The following PRIM2 variants were observed in gnomAD, a reference collection of about 807,000 sequenced individuals.
PRIM2 encodes the protein DNA primase subunit 2.
PRIM2 carries 39 observed loss-of-function variants against 67.3 expected under a neutral mutation model. That is an observed-to-expected ratio of 0.58 (90% CI 0.45 to 0.76). PRIM2 has a LOEUF of 0.76. Among genes scored for constraint, PRIM2 ranks in the 30% least tolerant of loss-of-function variants. The pLI is 0.00. For synonymous variants in PRIM2, 143 were observed against 198.7 expected, an observed-to-expected ratio of 0.72 and a Z score of 2.36; for missense variants, 398 against 598.7, an observed-to-expected ratio of 0.66 and a Z score of 3.50.
At chr6:57,449,869 G>A (rs1413395336) in intron 7 of PRIM2, among the ~76,000 whole-genome samples, 18 of 152,242 alleles carry the variant, frequency 1.2e-4, no homozygotes, top group African/African-American at 4.3e-4. Flanking sequence ...CTGTTGTGGT[G>A]GAACTACCAT....
intron 5 of PRIM2, among the ~76,000 whole-genome samples, chr6:57,339,956 A>G (rs1429118061): frequency 6.6e-6 from 1 of 151,898 alleles, no homozygotes; most frequent in South Asian, 2.1e-4. Context: ...CAACCTACTC[A>G]TCTGACAAAG....
intron 11 of PRIM2, among the ~76,000 whole-genome samples, chr6:57,603,116 C>T (rs1776499620): frequency 1.3e-5 from 2 of 152,298 alleles, no homozygotes; most frequent in South Asian, 4.2e-4. Flanking sequence ...ATCTGTGCTT[C>T]TGTTCTTTTC....
At chr6:57,541,223 C>T (rs1386039700) in intron 10 of PRIM2, among the ~76,000 whole-genome samples, 9 of 152,108 alleles carry the variant, frequency 5.9e-5, no homozygotes, top group African/African-American at 4.8e-5. Flanking sequence ...TAGTACAGTA[C>T]TGTAAATGTA....
At chr6:57,284,332 G>C in the PRIM2 span, among the ~76,000 whole-genome samples, 1 of 152,186 alleles carries the variant, frequency 6.6e-6, no homozygotes, top group Non-Finnish European at 1.5e-5. Context: ...TTTGGCAGAT[G>C]TGCTTGTACG....
At chr6:57,412,519 AC>A (rs1771121365) in intron 7 of PRIM2, among the ~76,000 whole-genome samples, 1 of 151,906 alleles carries the variant, frequency 6.6e-6, no homozygotes, top group Non-Finnish European at 1.5e-5. Flanking sequence ...CATTTATGGA[AC>A]GGCTTTTATC....
intron 7 of PRIM2, among the ~76,000 whole-genome samples, chr6:57,455,720 T>C (rs1369969211): frequency 1.3e-5 from 2 of 152,254 alleles, no homozygotes; most frequent in Admixed American, 6.5e-5. Context: ...AGCCCATTGA[T>C]TGGTCTTGAC....
intron 10 of PRIM2, among the ~76,000 whole-genome samples, chr6:57,581,026 C>G (rs1776075624): frequency 6.6e-6 from 1 of 151,902 alleles, no homozygotes; most frequent in Non-Finnish European, 1.5e-5. Flanking sequence ...TGAAACTAAT[C>G]TAGTAAAAGT....
At chr6:57,508,805 C>T (rs1554347439) in intron 8 of PRIM2, among the ~76,000 whole-genome samples, 1 of 152,068 alleles carries the variant, frequency 6.6e-6, no homozygotes, top group Admixed American at 6.6e-5. Context: ...ATTCTTTGCT[C>T]ACTTATTGAT....
the PRIM2 span, among the ~76,000 whole-genome samples, chr6:57,291,212 C>T: frequency 1.3e-5 from 2 of 152,138 alleles, no homozygotes; most frequent in Non-Finnish European, 2.9e-5. Context: ...TCAGAGAATA[C>T]TATAAACACC....
the PRIM2 span, among the ~76,000 whole-genome samples, chr6:57,307,138 G>A: frequency 6.6e-6 from 1 of 151,970 alleles, no homozygotes; most frequent in African/African-American, 2.4e-5. Flanking sequence ...GGCACAGGTT[G>A]CAGTGAGCCG....
chr6:57,334,648 C>A (rs555427284), intron 5 of PRIM2, among the ~76,000 whole-genome samples: 2 of 152,064 alleles, frequency 1.3e-5, no homozygotes, highest in South Asian at 4.1e-4. Context: ...CAGAACAAGA[C>A]CCTGTCTCTC....
At chr6:57,566,058 TG>T (rs1775731928) in intron 10 of PRIM2, among the ~76,000 whole-genome samples, 2 of 152,270 alleles carry the variant, frequency 1.3e-5, no homozygotes, top group East Asian at 1.9e-4. Context: ...TTTTTGTTTT[TG>T]TTTTTTTTTC....
the PRIM2 span, among the ~76,000 whole-genome samples, chr6:57,270,838 G>T: frequency 6.6e-6 from 1 of 152,116 alleles, no homozygotes; most frequent in Non-Finnish European, 1.5e-5. Context: ...TTAGCATGAA[G>T]CGTTGTTGAA....
At chr6:57,579,472 A>T (rs1195028495) in intron 10 of PRIM2, among the ~76,000 whole-genome samples, 1 of 152,172 alleles carries the variant, frequency 6.6e-6, no homozygotes, top group Admixed American at 6.5e-5. Flanking sequence ...GTTATGTAGT[A>T]ATGCTTAGAT....
intron 7 of PRIM2, among the ~76,000 whole-genome samples, chr6:57,408,852 A>G (rs1440620120): frequency 6.6e-6 from 1 of 151,992 alleles, no homozygotes; most frequent in African/African-American, 2.4e-5. Context: ...CTAGGATTAT[A>G]GGTGCATACC....
chr6:57,561,879 C>T (rs1435387600), intron 10 of PRIM2, among the ~76,000 whole-genome samples: 2 of 152,294 alleles, frequency 1.3e-5, no homozygotes, highest in East Asian at 1.9e-4. Flanking sequence ...CACATGGCTT[C>T]CTCACTAGCC....
intron 10 of PRIM2, among the ~76,000 whole-genome samples, chr6:57,570,798 T>C (rs1355544141): frequency 6.6e-5 from 10 of 152,208 alleles, no homozygotes; most frequent in African/African-American, 2.4e-4. Context: ...ATTTTATGGC[T>C]GATGAGAAGA....
chr6:57,382,194 T>C (rs776048779), intron 7 of PRIM2, 26 bp downstream of exon 7: 1 of 1,608,182 alleles, frequency 6.2e-7, no homozygotes, highest in South Asian at 1.1e-5. Context: ...GATTTCTGTA[T>C]CTGACATGTT....
chr6:57,302,002 A>G, the PRIM2 span, among the ~76,000 whole-genome samples: 1 of 152,142 alleles, frequency 6.6e-6, no homozygotes, highest in African/African-American at 2.4e-5. Context: ...AGACATTCCT[A>G]TTTACTGGCT....
Sources: allele counts gnomAD v4.1 joint callset (sites outside exome capture counted in the v4.1 genomes callset), GRCh38; gene constraint gnomAD v4.1.1; transcripts MANE v1.5; gene names NCBI Gene and HGNC (gene_info 2026-07-23, HGNC 2026-07-21).